RALGPS1: variants seen among roughly 807,000 people sequenced by gnomAD.
RALGPS1 encodes the protein ras-specific guanine nucleotide-releasing factor RalGPS1.
In RALGPS1, 19 loss-of-function variants were observed where a neutral mutation model predicts 78.8. The ratio of observed to expected loss-of-function variants is 0.24; its 90% CI spans 0.17 to 0.35. RALGPS1 has a LOEUF of 0.35. RALGPS1 is among the 10% of genes least tolerant of loss of function. The probability of loss-of-function intolerance (pLI) is 1.00; values close to 1 mark genes in which losing one functional copy is unlikely to be tolerated. For synonymous variants in RALGPS1, 228 were observed against 256.3 expected (o/e 0.89, Z 1.06); for missense variants, 454 against 688.3 (o/e 0.66, Z 3.81).
At chr9:126,915,448 G>C in intron 1 of RALGPS1, 1 of 152,384 alleles carries the variant, frequency 6.6e-6, no homozygotes, top group East Asian at 2.0e-4. Context: ...CGGGGCCCGG[G>C]TGGCTGCGGT....
At chr9:127,191,903 C>T (rs560668594) in intron 11 of RALGPS1, among the ~76,000 whole-genome samples, 56 of 151,978 alleles carry the variant, frequency 3.7e-4, no homozygotes, top group African/African-American at 9.7e-4. Context: ...TTCACCGTGT[C>T]AGCCAGGATG....
chr9:126,989,911 A>G lies in RALGPS1; in HGVS notation c.216+12166A>G. ...TTTGCAGAAAGGCTGGCCTGCCAGA[A>G]TGGAAGACTCCCTGCAGAAGTCCAC... On this transcript the variant is annotated intron_variant, in intron 4 of 18. Coordinates refer to ENST00000259351, the MANE Select transcript of RALGPS1 (RefSeq NM_014636.3). 3.2e-6 allele frequency: 5 copies of G among 1,550,426 alleles called. 1 individual carries two copies. The highest frequency in any genetic ancestry group is 4.4e-6 in the Non-Finnish European group (5 of 1,146,886).
Position 127,211,130 on chromosome 9 carries a change from A to C in RALGPS1, c.1248-1001A>C, listed in dbSNP as rs2062229063. ...TGGGTGATTCGAGTGAAGGGAAGGG[A>C]GTGTTGGAAGGAATGAGAGAGGGCA... On this transcript the variant is annotated intron_variant, in intron 14 of 18. Transcript: ENST00000259351. The surrounding 1 kb of genome is among the most constrained non-coding windows in gnomAD (Gnocchi z 5.0). 6.6e-6 allele frequency among the ~76,000 whole-genome samples: 1 copy of C among 152,102 alleles called. No homozygotes were observed. Among genetic ancestry groups the C allele is most frequent in the South Asian group, 2.1e-4 (1 of 4,824 alleles).
At chr9:126,995,053 C>G (rs563522806) in intron 4 of RALGPS1, among the ~76,000 whole-genome samples, 8 of 152,336 alleles carry the variant, frequency 5.3e-5, no homozygotes, top group African/African-American at 1.9e-4. Flanking sequence ...AAAGGAACAA[C>G]AAGTACCACC....
At chr9:127,195,366 C>T (rs1336550556) in intron 12 of RALGPS1, 149 bp downstream of exon 12, 19 of 1,131,420 alleles carry the variant, frequency 1.7e-5, no homozygotes, top group Middle Eastern at 2.8e-4. Flanking sequence ...CTGGCCAGTG[C>T]GCTTTCCTGA....
chr9:127,157,280 A>G (rs1325692950), intron 8 of RALGPS1, among the ~76,000 whole-genome samples: 6 of 152,064 alleles, frequency 3.9e-5, no homozygotes, highest in Non-Finnish European at 8.8e-5. Flanking sequence ...ATCTAAGAAT[A>G]TTATATATTT....
intron 18 of RALGPS1, chr9:127,216,827 TGTGTCTGGG>T: frequency 3.0e-6 from 4 of 1,326,370 alleles, no homozygotes; most frequent in Non-Finnish European, 4.0e-6. Flanking sequence ...TCACACCATG[TGTGTCTGGG>T]GTCCCTCAGT....
At chr9:126,990,809 A>G (rs1266135812) in intron 4 of RALGPS1, among the ~76,000 whole-genome samples, 1 of 152,234 alleles carries the variant, frequency 6.6e-6, no homozygotes, top group Non-Finnish European at 1.5e-5. Flanking sequence ...GAACTCCAGG[A>G]ATGCAGAGAT....
At chr9:127,107,231 A>T (rs2137054458) in intron 8 of RALGPS1, 1 of 152,388 alleles carries the variant, frequency 6.6e-6, no homozygotes, top group Non-Finnish European at 1.5e-5. Context: ...GGAGTTAATT[A>T]TGTAACATAC....
chr9:126,934,943 A>G (rs559167369), intron 1 of RALGPS1, among the ~76,000 whole-genome samples: 48 of 152,234 alleles, frequency 3.2e-4, no homozygotes, highest in Admixed American at 1.3e-3. Flanking sequence ...TGGCCATGGG[A>G]GAATGGGGTG....
At chr9:126,967,627 C>T (rs1032776065) in intron 3 of RALGPS1, among the ~76,000 whole-genome samples, 2 of 152,240 alleles carry the variant, frequency 1.3e-5, no homozygotes, top group East Asian at 3.9e-4. Flanking sequence ...GCCTCAATCT[C>T]CCTGGCTCAA....
In RALGPS1 at chr9:127,212,858, G is replaced by A; in HGVS notation, c.1447-86G>A. ...AGGTGGGAAGGCGGCAGGGGAGGGAGGAAGCCTTGCCTGGCCCACGTCGGC... is the reference window on the plus strand; with the variant it reads ...AGGTGGGAAGGCGGCAGGGGAGGGAAGAAGCCTTGCCTGGCCCACGTCGGC... On this transcript the variant is annotated intron_variant, in intron 16 of 18. Coordinates refer to ENST00000259351, the MANE Select transcript of RALGPS1 (RefSeq NM_014636.3). The surrounding 1 kb of genome is among the most constrained non-coding windows in gnomAD (Gnocchi z 6.0). The A allele has an allele frequency of 3.8e-6, 6 of 1,594,154 alleles. No homozygotes were observed. The highest frequency in any genetic ancestry group is 5.1e-6 in the Non-Finnish European group (6 of 1,167,648).
At position 127,214,822 on chromosome 9, in the gene RALGPS1, T is replaced by C; in HGVS notation, c.1624T>C (p.Cys542Arg). Reference protein sequence around the residue: ...ILWHKHLDDACKSNRPQVPAN... With the variant: ...ILWHKHLDDARKSNRPQVPAN... ...GTGGCACAAGCATTTGGATGATGCA[T>C]GTAAAAGCAACAGGCCTCAGGTAAA... The change falls in exon 18 of 19, where the codon TGT becomes CGT. Residue 542 changes from cysteine to arginine, a missense_variant. By Grantham distance (180) the Cys-to-Arg change is radical. Coordinates refer to ENST00000259351, the MANE Select transcript of RALGPS1 (RefSeq NM_014636.3). 1.9e-6 allele frequency: 3 copies of C among 1,613,122 alleles called. No individual in the cohort carries two copies. Among genetic ancestry groups the C allele is most frequent in the Non-Finnish European group, 2.5e-6 (3 of 1,179,660 alleles).
intron 8 of RALGPS1, among the ~76,000 whole-genome samples, chr9:127,095,788 C>T (rs2053061491): frequency 6.6e-6 from 1 of 152,202 alleles, no homozygotes; most frequent in African/African-American, 2.4e-5. Context: ...AGTTATAAAC[C>T]AGAAAGATTT....
At chr9:126,945,940 T>C (rs1427758144) in intron 1 of RALGPS1, among the ~76,000 whole-genome samples, 1 of 152,222 alleles carries the variant, frequency 6.6e-6, no homozygotes, top group Non-Finnish European at 1.5e-5. Flanking sequence ...GCTTTAGATA[T>C]AGGAAAATGT....
At chr9:126,973,628 A>G (rs1183289047) in intron 3 of RALGPS1, among the ~76,000 whole-genome samples, 1 of 152,138 alleles carries the variant, frequency 6.6e-6, no homozygotes, top group African/African-American at 2.4e-5. Context: ...AAAATTTACT[A>G]TCTTAACATT....
intron 8 of RALGPS1, among the ~76,000 whole-genome samples, chr9:127,157,677 A>G (rs1184299666): frequency 6.6e-6 from 1 of 151,916 alleles, no homozygotes; most frequent in Non-Finnish European, 1.5e-5. Context: ...ACATTGATTT[A>G]TGTATATTTA....
chr9:127,052,476 G>A (rs751045306), intron 6 of RALGPS1, among the ~76,000 whole-genome samples: 20 of 152,190 alleles, frequency 1.3e-4, no homozygotes, highest in Non-Finnish European at 2.4e-4. Flanking sequence ...GTCTCCTTCT[G>A]GTGTTAAGAT....
At chr9:127,002,452 T>TC (rs1458544853) in intron 4 of RALGPS1, among the ~76,000 whole-genome samples, 13 of 150,594 alleles carry the variant, frequency 8.6e-5, no homozygotes, top group Non-Finnish European at 1.8e-4. Context: ...TTTTTTCTTT[T>TC]TTTTTTATTA....
Sources: gnomAD v4.1 joint callset for allele counts (sites outside exome capture counted in the v4.1 genomes callset) on GRCh38, gnomAD v4.1.1 for gene constraint, Gnocchi (gnomAD v3.1) non-coding constraint, MANE v1.5 for transcripts, NCBI Gene and HGNC (gene_info 2026-07-23, HGNC 2026-07-21) for gene names.